RALGAPA2: variants seen among roughly 807,000 people sequenced by gnomAD.
RALGAPA2 encodes Ral GTPase activating protein catalytic subunit alpha 2.
RALGAPA2 carries 139 observed loss-of-function variants against 230.4 expected under a neutral mutation model. The observed-to-expected ratio is 0.60, with a 90% CI of 0.53 to 0.69. RALGAPA2 has a LOEUF of 0.69. RALGAPA2 is among the 30% of genes least tolerant of loss of function. The probability of loss-of-function intolerance (pLI) is 0.00; values close to 1 mark genes in which losing one functional copy is unlikely to be tolerated. For missense variants in RALGAPA2, 2,163 were observed against 2,276.0 expected, an observed-to-expected ratio of 0.95 and a Z score of 1.01; for synonymous variants, 847 against 837.8, an observed-to-expected ratio of 1.01 and a Z score of -0.19.
At chr20:20,439,708 G>C (rs1312660857) in intron 37 of RALGAPA2, among the ~76,000 whole-genome samples, 1 of 152,174 alleles carries the variant, frequency 6.6e-6, no homozygotes, top group Non-Finnish European at 1.5e-5. Context: ...CACAGCTTCA[G>C]AGCAATACAA....
intron 15 of RALGAPA2, among the ~76,000 whole-genome samples, chr20:20,604,039 T>C (rs962219941): frequency 6.6e-6 from 1 of 152,220 alleles, no homozygotes; most frequent in African/African-American, 2.4e-5. Context: ...GATGTAACCC[T>C]GCAAAGACCA....
chr20:20,663,018 A>G (rs2067833365), intron 3 of RALGAPA2, among the ~76,000 whole-genome samples: 1 of 152,248 alleles, frequency 6.6e-6, no homozygotes, highest in Non-Finnish European at 1.5e-5. Flanking sequence ...GAGGCAGACT[A>G]GACGAAGAAC....
chr20:20,474,587 A>G (rs1208828473), intron 36 of RALGAPA2, among the ~76,000 whole-genome samples: 2 of 152,216 alleles, frequency 1.3e-5, no homozygotes, highest in African/African-American at 4.8e-5. Context: ...GGTGACAGAT[A>G]TATTTTGAAG....
intron 37 of RALGAPA2, among the ~76,000 whole-genome samples, chr20:20,447,845 C>A (rs1306615499): frequency 6.6e-6 from 1 of 152,142 alleles, no homozygotes; most frequent in Non-Finnish European, 1.5e-5. Context: ...AGGATCTCTG[C>A]CCCGCATCCT....
At chr20:20,396,812 CTAA>C (rs2059729822) in intron 38 of RALGAPA2, 78 bp from the exon 39 acceptor site, 3 of 1,215,508 alleles carry the variant, frequency 2.5e-6, no homozygotes, top group Non-Finnish European at 3.6e-6. Flanking sequence ...TAACACAGTG[CTAA>C]TAATACATTT....
intron 14 of RALGAPA2, among the ~76,000 whole-genome samples, chr20:20,607,267 G>A (rs112245013): frequency 0.011 from 1,600 of 152,172 alleles, 20 homozygotes; most frequent in Non-Finnish European, 0.015. Flanking sequence ...TGACCACCTG[G>A]AAAATCTTAT....
At chr20:20,672,363 C>T (rs932897954) in intron 3 of RALGAPA2, among the ~76,000 whole-genome samples, 28 of 152,070 alleles carry the variant, frequency 1.8e-4, no homozygotes, top group Middle Eastern at 3.2e-3. Context: ...AACACTTAAG[C>T]TACTAGGATT....
chr20:20,468,444 T>C (rs1281935093), intron 37 of RALGAPA2, among the ~76,000 whole-genome samples: 1 of 152,186 alleles, frequency 6.6e-6, no homozygotes, highest in Non-Finnish European at 1.5e-5. Context: ...GAGTGTTTCT[T>C]TGTGGTGCTG....
Position 20,589,353 on chromosome 20 carries a change from T to C in RALGAPA2, c.2354A>G (p.Glu785Gly), listed in dbSNP as rs201994322. Residue 785 changes from glutamate (E) to glycine (G), a missense_variant, in exon 18 of 40, where the codon GAA (glutamate) becomes GGA (glycine). Glu to Gly is a moderately conservative substitution (Grantham distance 98). Transcript: ENST00000202677. ...CSDSSQGQKA[E>G]NTQNSSSSEP... is the part of the protein sequence containing the mutation. ...TGAAGAACTCGAATTCTGTGTGTTTTCTGCCTTTTGACCTAGAAATGGTGG... is the reference window on the plus strand; with the variant it reads ...TGAAGAACTCGAATTCTGTGTGTTTCCTGCCTTTTGACCTAGAAATGGTGG... 2.3e-5 allele frequency: 37 copies of C among 1,586,178 alleles called. 1 individual carries two copies. The highest frequency in any genetic ancestry group is 6.0e-6 in the Non-Finnish European group (7 of 1,164,546).
chr20:20,629,471 G>A lies in RALGAPA2; in HGVS notation c.1125C>T (p.Ser375=). The A allele has an allele frequency of 6.2e-7, 1 of 1,613,916 alleles. No individual in the cohort carries two copies. ...STLSDRRLSN[S]SLCSIEEEHR... is the part of the protein sequence containing the mutation. ...GCTCTTCTTCAATGCTACAGAGGCTGGAGTTGCTGAGTCTTCGGTCCGACA... is the reference window on the plus strand; with the variant it reads ...GCTCTTCTTCAATGCTACAGAGGCTAGAGTTGCTGAGTCTTCGGTCCGACA... The change falls in exon 10 of 40, where the codon TCC becomes TCT. Residue 375 remains serine (S), a synonymous_variant. Transcript: ENST00000202677.
intron 21 of RALGAPA2, 60 bp downstream of exon 21, chr20:20,572,815 A>T: frequency 1.5e-6 from 2 of 1,323,442 alleles, no homozygotes; most frequent in Non-Finnish European, 1.0e-6. Context: ...CACAGTTTTT[A>T]CATTAAATGA....
At chr20:20,573,139 A>G (rs2064704800) in intron 20 of RALGAPA2, 71 bp from the exon 21 acceptor site, 2 of 1,286,000 alleles carry the variant, frequency 1.6e-6, no homozygotes, top group East Asian at 5.6e-5. Context: ...TCTTTAAGGC[A>G]AATTACCTTA....
chr20:20,448,095 C>T (rs1053235770), intron 37 of RALGAPA2, among the ~76,000 whole-genome samples: 1 of 152,178 alleles, frequency 6.6e-6, no homozygotes, highest in Non-Finnish European at 1.5e-5. Flanking sequence ...AATATAGTCC[C>T]TCCCCAGTTT....
At chr20:20,478,269 C>G (rs915799863) in intron 36 of RALGAPA2, among the ~76,000 whole-genome samples, 1 of 152,064 alleles carries the variant, frequency 6.6e-6, no homozygotes, top group Non-Finnish European at 1.5e-5. Flanking sequence ...GCAGTACTTA[C>G]AGGGACCGTG....
intron 13 of RALGAPA2, among the ~76,000 whole-genome samples, chr20:20,613,472 C>T (rs1359630073): frequency 6.6e-6 from 1 of 152,224 alleles, no homozygotes; most frequent in Non-Finnish European, 1.5e-5. Flanking sequence ...CACTGCACTG[C>T]ATGTTCTCCA....
intron 7 of RALGAPA2, among the ~76,000 whole-genome samples, chr20:20,639,266 T>C (rs1223495331): frequency 6.6e-6 from 1 of 152,194 alleles, no homozygotes; most frequent in Non-Finnish European, 1.5e-5. Flanking sequence ...GAAAAAAGAA[T>C]CAGTACATTT....
intron 36 of RALGAPA2, among the ~76,000 whole-genome samples, chr20:20,479,874 T>A (rs549192639): frequency 4.6e-5 from 7 of 152,234 alleles, no homozygotes; most frequent in African/African-American, 2.4e-5. Flanking sequence ...ATCTCCAACA[T>A]AATCTATGGC....
At position 20,390,812 on chromosome 20, in the gene RALGAPA2, C is replaced by T. The variant is rs1226195808; in HGVS notation, c.*2477G>A. On this transcript the variant is annotated 3_prime_UTR_variant, in exon 40 of 40. Transcript: ENST00000202677. ...AGATTCCCTGCTCCACGTTCCATCT[C>T]CAGACCAAAGCTGCTACTGAGAATG... The T allele has an allele frequency of 2.6e-5, 4 of 152,202 alleles. No individual in the cohort carries two copies. The highest frequency in any genetic ancestry group is 5.9e-5 in the Non-Finnish European group (4 of 68,044). The allele number at this position is 152,202 out of a possible 1,614,324, so 9.4% of individuals were successfully genotyped here.
In RALGAPA2 at chr20:20,512,508, G is replaced by C; in HGVS notation, c.4856+5C>G. Reference sequence around the variant, plus strand: ...AATAACTGGAGGTCTAGCTTGGATTGTTACCTTCTGTCCCAAGAATTCATT... The same window carrying C: ...AATAACTGGAGGTCTAGCTTGGATTCTTACCTTCTGTCCCAAGAATTCATT... On this transcript the variant is annotated splice_donor_5th_base_variant and intron_variant, in intron 32 of 39. Coordinates refer to ENST00000202677, the MANE Select transcript of RALGAPA2 (RefSeq NM_020343.4). 1 of 1,583,764 alleles carries C rather than the reference G, an allele frequency of 6.3e-7. No individual in the cohort carries two copies. The highest frequency in any genetic ancestry group is 8.6e-7 in the Non-Finnish European group (1 of 1,167,604).
Sources: allele counts gnomAD v4.1 joint callset (sites outside exome capture counted in the v4.1 genomes callset), GRCh38; gene constraint gnomAD v4.1.1; transcripts MANE v1.5; gene names NCBI Gene and HGNC (gene_info 2026-07-23, HGNC 2026-07-21).